The following ASTN2 variants were observed in gnomAD, a reference collection of about 807,000 sequenced individuals.
The protein encoded by ASTN2 is astrotactin 2, also known as astrotactin-2.
In ASTN2, 54 loss-of-function variants were observed where a neutral mutation model predicts 139.8. The ratio of observed to expected loss-of-function variants is 0.39; its 90% CI spans 0.31 to 0.48. The LOEUF (loss-of-function observed/expected upper bound fraction) is 0.48. Among genes scored for constraint, ASTN2 ranks in the 20% least tolerant of loss-of-function variants. The probability of loss-of-function intolerance (pLI) is 0.95; values close to 1 mark genes in which losing one functional copy is unlikely to be tolerated. For synonymous variants in ASTN2, 756 were observed against 719.5 expected, an observed-to-expected ratio of 1.05 and a Z score of -0.81; for missense variants, 1,565 against 1,725.1, an observed-to-expected ratio of 0.91 and a Z score of 1.64.
intron 7 of ASTN2, among the ~76,000 whole-genome samples, chr9:116,982,541 T>C (rs372294665): frequency 8.2e-6 from 1 of 122,686 alleles, no homozygotes; most frequent in African/African-American, 2.7e-5. Flanking sequence ...TCTTTATCTG[T>C]AATTTGGGAT....
intron 1 of ASTN2, among the ~76,000 whole-genome samples, chr9:117,354,373 C>T (rs1475140474): frequency 6.6e-6 from 1 of 152,110 alleles, no homozygotes; most frequent in Non-Finnish European, 1.5e-5. Flanking sequence ...CTACACTCAT[C>T]AAGCTGTTTC....
intron 10 of ASTN2, among the ~76,000 whole-genome samples, chr9:116,969,812 G>T (rs1012645469): frequency 6.6e-6 from 1 of 152,020 alleles, no homozygotes; most frequent in African/African-American, 2.4e-5. Context: ...AGAATTCTGG[G>T]CCCACCTCCA....
At chr9:116,820,842 A>C in intron 11 of ASTN2, 59 bp from the exon 12 acceptor site, 1 of 1,510,100 alleles carries the variant, frequency 6.6e-7, no homozygotes, top group Non-Finnish European at 9.0e-7. Flanking sequence ...GCCCCATCAC[A>C]CCCTCTCCTC....
intron 20 of ASTN2, among the ~76,000 whole-genome samples, chr9:116,476,774 T>A (rs1848994207): frequency 6.6e-6 from 1 of 152,230 alleles, no homozygotes; most frequent in Non-Finnish European, 1.5e-5. Context: ...TCCCCAAATG[T>A]GTGTGGACTC....
chr9:117,043,765 G>A (rs574355605), intron 5 of ASTN2, among the ~76,000 whole-genome samples: 20 of 152,018 alleles, frequency 1.3e-4, no homozygotes, highest in South Asian at 6.2e-4. Context: ...AAAATGAGCC[G>A]GGCATGGTGG....
At chr9:117,184,467 G>A (rs1227040858) in intron 3 of ASTN2, among the ~76,000 whole-genome samples, 2 of 152,130 alleles carry the variant, frequency 1.3e-5, no homozygotes, top group African/African-American at 2.4e-5. Flanking sequence ...ATCTCTGTCT[G>A]CCGACCTCCT....
At position 116,847,916 on chromosome 9, in the gene ASTN2, C is replaced by T. The variant is rs149866861; in HGVS notation, c.2040+15667G>A. On this transcript the variant is annotated intron_variant, in intron 11 of 22. Transcript: ENST00000313400. Reference sequence around the variant, plus strand: ...TGTAAGAGAACTTCCCAAGATCATACAGTGATTAGATGTGGGGCGGGACAG... The same window carrying T: ...TGTAAGAGAACTTCCCAAGATCATATAGTGATTAGATGTGGGGCGGGACAG... 6.1e-3 allele frequency among the ~76,000 whole-genome samples: 923 copies of T among 152,238 alleles called. 8 individuals are homozygous for T. Among genetic ancestry groups the T allele is most frequent in the African/African-American group, 0.021 (864 of 41,532 alleles).
chr9:116,927,887 C>T (rs190479895), intron 10 of ASTN2, among the ~76,000 whole-genome samples: 23 of 152,268 alleles, frequency 1.5e-4, no homozygotes, highest in Admixed American at 5.2e-4. Flanking sequence ...TTGTCAATGC[C>T]GACAGCTCCC....
At chr9:116,547,504 T>A (rs1336139502) in intron 19 of ASTN2, 1 of 152,194 alleles carries the variant, frequency 6.6e-6, no homozygotes, top group Non-Finnish European at 1.5e-5. Context: ...CAGGCTGAAT[T>A]GAGTTTGATT....
chr9:116,896,291 A>G (rs10983397), intron 10 of ASTN2, among the ~76,000 whole-genome samples: 24,601 of 152,188 alleles, frequency 0.16, 2,753 homozygotes, highest in East Asian at 0.34. Flanking sequence ...TTTTCATACT[A>G]CTATAAAGAA....
chr9:117,352,192 G>A (rs12339260), intron 1 of ASTN2, among the ~76,000 whole-genome samples: 51,230 of 151,970 alleles, frequency 0.34, 8,927 homozygotes, highest in Middle Eastern at 0.38. Flanking sequence ...ACTCTCTCAT[G>A]AGAATTTCTA....
At chr9:116,992,919 T>C (rs997158668) in intron 7 of ASTN2, among the ~76,000 whole-genome samples, 1 of 152,234 alleles carries the variant, frequency 6.6e-6, no homozygotes, top group African/African-American at 2.4e-5. Context: ...TGCTTCTTTC[T>C]GCCTTGGCTT....
At chr9:117,086,349 C>G (rs563499799) in intron 5 of ASTN2, among the ~76,000 whole-genome samples, 5 of 152,036 alleles carry the variant, frequency 3.3e-5, no homozygotes, top group African/African-American at 1.2e-4. Flanking sequence ...CCGAGGCAGG[C>G]GGATCACAAG....
rs1385736304 is a variant in ASTN2, at chr9:117,405,681, T to A, written c.442+8816A>T. 2.0e-5 allele frequency among the ~76,000 whole-genome samples: 3 copies of A among 152,152 alleles called. No individual in the cohort carries two copies. In the East Asian group the frequency reaches 5.8e-4, roughly 29 times the overall value. On this transcript the variant is annotated intron_variant, in intron 1 of 22. Coordinates refer to ENST00000313400, the MANE Select transcript of ASTN2 (RefSeq NM_001365068.1). ...TGATTTCCCCATCTTTATATAGAAG[T>A]GTTTCAGTTAGATAATGTCCTAAAT...
At chr9:116,548,221 G>C (rs1852188976) in intron 19 of ASTN2, among the ~76,000 whole-genome samples, 1 of 152,160 alleles carries the variant, frequency 6.6e-6, no homozygotes, top group South Asian at 2.1e-4. Context: ...CTGCCCTCCT[G>C]CCTGGCTCCA....
At chr9:116,605,197 A>C (rs7855974) in intron 19 of ASTN2, among the ~76,000 whole-genome samples, 74,051 of 151,918 alleles carry the variant, frequency 0.49, 18,291 homozygotes, top group East Asian at 0.7. Context: ...AGGAAGCAAG[A>C]GTGATACTGA....
At chr9:116,703,069 G>C (rs1398005200) in intron 16 of ASTN2, among the ~76,000 whole-genome samples, 1 of 151,644 alleles carries the variant, frequency 6.6e-6, no homozygotes, top group Non-Finnish European at 1.5e-5. Context: ...CTTCCACAAT[G>C]GTTGAACTAG....
intron 16 of ASTN2, among the ~76,000 whole-genome samples, chr9:116,672,662 A>C (rs1296791352): frequency 6.6e-6 from 1 of 152,200 alleles, no homozygotes; most frequent in Non-Finnish European, 1.5e-5. Context: ...GATGACTACT[A>C]TTATCCCCCA....
chr9:117,120,018 G>GTATATATATATATATATATATA (rs200361826), intron 4 of ASTN2, among the ~76,000 whole-genome samples: 15 of 45,994 alleles, frequency 3.3e-4, no homozygotes, highest in South Asian at 1.1e-3. Flanking sequence ...GTGTGTGTGT[G>GTATATATATATATATATATATA]TATATATATA....
Sources: gnomAD v4.1 joint callset for allele counts (sites outside exome capture counted in the v4.1 genomes callset) on GRCh38, gnomAD v4.1.1 for gene constraint, MANE v1.5 for transcripts, NCBI Gene and HGNC (gene_info 2026-07-23, HGNC 2026-07-21) for gene names.